Variants in ATP2B4 observed in about 807,000 individuals in gnomAD.
The protein encoded by ATP2B4 is plasma membrane calcium-transporting ATPase 4.
In ATP2B4, 39 loss-of-function variants were observed where a neutral mutation model predicts 110.3. The ratio of observed to expected loss-of-function variants is 0.35; its 90% confidence interval spans 0.27 to 0.46. The LOEUF (loss-of-function observed/expected upper bound fraction) is 0.46. ATP2B4 is among the 20% of genes least tolerant of loss of function. The pLI is 1.00. For synonymous variants in ATP2B4, 538 were observed against 571.7 expected (o/e 0.94, Z 0.84); for missense variants, 1,135 against 1,530.9 (o/e 0.74, Z 4.32).
intron 20 of ATP2B4, among the ~76,000 whole-genome samples, chr1:203,733,983 C>T (rs1571780689): frequency 6.6e-6 from 1 of 152,208 alleles, no homozygotes; most frequent in African/African-American, 2.4e-5. Context: ...TTGGCCACCA[C>T]TGTATTGCTG....
intron 1 of ATP2B4, among the ~76,000 whole-genome samples, chr1:203,660,097 A>AGAAAGAAAG (rs764669362): frequency 8.3e-6 from 1 of 120,666 alleles, no homozygotes; most frequent in African/African-American, 3.1e-5. Context: ...AAAAAAAAAA[A>AGAAAGAAAG]AAAGAAAGAA....
chr1:203,719,803 C>T (rs1428966756), intron 15 of ATP2B4, among the ~76,000 whole-genome samples: 1 of 151,966 alleles, frequency 6.6e-6, no homozygotes, highest in African/African-American at 2.4e-5. Flanking sequence ...ACCATACCAT[C>T]AACTCATTTT....
chr1:203,702,091 A>G lies in ATP2B4; in HGVS notation c.937+12A>G. The G allele has an allele frequency of 1.2e-6, 2 of 1,613,976 alleles. No homozygotes were observed. The highest frequency in any genetic ancestry group is 1.7e-6 in the Non-Finnish European group (2 of 1,179,902). ...AAATCGCAACAAAGGTAACCTCTCC[A>G]ACTACTCATTTACCATCTCTACCTG... On this transcript the variant is annotated intron_variant, in intron 7 of 20. Coordinates refer to ENST00000357681, the MANE Select transcript of ATP2B4 (RefSeq NM_001684.5).
Position 203,712,085 on chromosome 1 carries a change from C to T in ATP2B4, c.2157C>T (p.Phe719=), listed in dbSNP as rs1269056191. 6.2e-7 allele frequency: 1 copy of T among 1,614,178 alleles called. No homozygotes were observed. Among genetic ancestry groups the T allele is most frequent in the Non-Finnish European group, 8.5e-7 (1 of 1,180,028 alleles). ...GCATTCTGACACCTGGGGATGACTT[C>T]CTGTGCTTAGAAGGCAAAGAATTCA... ...KCGILTPGDD[F]LCLEGKEFNR... is the part of the protein sequence containing the mutation. The change falls in exon 13 of 21, where the codon TTC becomes TTT. Residue 719 remains phenylalanine, a synonymous_variant. Coordinates refer to ENST00000357681, the MANE Select transcript of ATP2B4 (RefSeq NM_001684.5).
intron 1 of ATP2B4, among the ~76,000 whole-genome samples, chr1:203,639,218 G>A (rs1367101198): frequency 2.0e-5 from 3 of 152,192 alleles, no homozygotes; most frequent in Non-Finnish European, 2.9e-5. Flanking sequence ...TCAAGAGGGC[G>A]GGGCCACCAT....
chr1:203,642,461 T>A (rs1663662289), intron 1 of ATP2B4, among the ~76,000 whole-genome samples: 2 of 152,200 alleles, frequency 1.3e-5, no homozygotes, highest in South Asian at 4.1e-4. Context: ...GATTTATCTG[T>A]GTTTTCTGTT....
At chr1:203,657,490 C>A in intron 1 of ATP2B4, 1 of 786,498 alleles carries the variant, frequency 1.3e-6, no homozygotes, top group South Asian at 1.4e-5. Context: ...TAAGCAGGTA[C>A]TGCTCCCTGT....
At chr1:203,717,609 A>T (rs1243099420) in intron 15 of ATP2B4, among the ~76,000 whole-genome samples, 3 of 150,426 alleles carry the variant, frequency 2.0e-5, no homozygotes, top group Non-Finnish European at 4.4e-5. Context: ...CTTCATTTTA[A>T]TGTGAAATGG....
intron 8 of ATP2B4, among the ~76,000 whole-genome samples, chr1:203,704,045 T>G (rs1025254111): frequency 2.0e-5 from 3 of 152,190 alleles, no homozygotes; most frequent in Non-Finnish European, 4.4e-5. Flanking sequence ...CTGAGATCTC[T>G]TAATCCAAAT....
In ATP2B4 at chr1:203,683,077, A is replaced by G. The variant is rs1000608675; in HGVS notation, c.-129A>G. ...TTATTGCACAAGATATATTCAATCT[A>G]TTCCCTCACTGGGCCCCCAGAGAAG... On this transcript the variant is annotated 5_prime_UTR_variant, in exon 2 of 21. Coordinates refer to ENST00000357681, the MANE Select transcript of ATP2B4 (RefSeq NM_001684.5). The G allele has an allele frequency of 1.8e-5, 18 of 1,012,852 alleles. No homozygotes were observed. Among genetic ancestry groups the G allele is most frequent in the South Asian group, 8.0e-5 (5 of 62,652 alleles). 62.7% of individuals were successfully genotyped at this position (1,012,852 alleles called of 1,614,324 possible).
At chr1:203,673,719 C>T (rs1236966973) in intron 1 of ATP2B4, among the ~76,000 whole-genome samples, 1 of 152,178 alleles carries the variant, frequency 6.6e-6, no homozygotes, top group East Asian at 1.9e-4. Flanking sequence ...GTTTTAAGTC[C>T]TCTCCTGCTG....
At position 203,683,191 on chromosome 1, in the gene ATP2B4, G is replaced by GT; in HGVS notation, c.-14dup. On this transcript the variant is annotated 5_prime_UTR_variant, in exon 2 of 21. Coordinates refer to ENST00000357681, the MANE Select transcript of ATP2B4 (RefSeq NM_001684.5). ...ACATCTTCTCTGGTTGAGGGGCTTGGTAACAGCAGGCAAAATGACGAACCC... is the reference window on the plus strand; with the variant it reads ...ACATCTTCTCTGGTTGAGGGGCTTGGTTAACAGCAGGCAAAATGACGAACCC... 2 of 1,610,874 alleles carry GT rather than the reference G, an allele frequency of 1.2e-6. No homozygotes were observed. Among genetic ancestry groups the GT allele is most frequent in the Non-Finnish European group, 1.7e-6 (2 of 1,178,052 alleles).
In ATP2B4 at chr1:203,721,317, C is replaced by T. The variant is rs567817646; in HGVS notation, c.2719C>T (p.Arg907Ter). 6.2e-6 allele frequency: 10 copies of T among 1,614,136 alleles called. No homozygotes were observed. The highest frequency in any genetic ancestry group is 2.2e-5 in the South Asian group (2 of 91,082). Residue 907 changes from arginine to a stop codon, truncating the protein, a stop_gained, in exon 17 of 21, where the codon CGA becomes TGA. Transcript: ENST00000357681. LOFTEE classifies it high-confidence loss of function. ...ESLLKRRPYG[R>*]NKPLISRTMM... Reference sequence around the variant, plus strand: ...TCTGTTGAAGCGGCGCCCCTATGGCCGAAATAAGCCTCTGATCTCACGCAC... The same window carrying T: ...TCTGTTGAAGCGGCGCCCCTATGGCTGAAATAAGCCTCTGATCTCACGCAC...
intron 1 of ATP2B4, among the ~76,000 whole-genome samples, chr1:203,665,098 C>T (rs1471424205): frequency 6.6e-6 from 1 of 152,128 alleles, no homozygotes; most frequent in East Asian, 1.9e-4. Context: ...GGATTACAGG[C>T]GTGAGCCACC....
chr1:203,696,781 G>A (rs1445174740), intron 2 of ATP2B4, among the ~76,000 whole-genome samples: 2 of 152,186 alleles, frequency 1.3e-5, no homozygotes, highest in Non-Finnish European at 2.9e-5. Context: ...GTGTGTGTGT[G>A]TGTCATATAT....
At chr1:203,735,436 G>T (rs1666854636) in intron 20 of ATP2B4, among the ~76,000 whole-genome samples, 1 of 152,146 alleles carries the variant, frequency 6.6e-6, no homozygotes, top group Non-Finnish European at 1.5e-5. Flanking sequence ...TATAATGTGG[G>T]TTTCAAATAG....
intron 20 of ATP2B4, among the ~76,000 whole-genome samples, chr1:203,735,062 G>A (rs1328856378): frequency 6.7e-6 from 1 of 148,284 alleles, no homozygotes; most frequent in East Asian, 2.0e-4. Flanking sequence ...ATGAAGGTAC[G>A]AGAAATATAC....
intron 18 of ATP2B4, among the ~76,000 whole-genome samples, chr1:203,723,288 A>C (rs1272255810): frequency 6.7e-6 from 1 of 149,040 alleles, no homozygotes; most frequent in African/African-American, 2.5e-5. Flanking sequence ...TTTTAAAAAT[A>C]CAGATGGGGT....
At chr1:203,701,459 A>G (rs1195561747) in intron 6 of ATP2B4, among the ~76,000 whole-genome samples, 1 of 152,224 alleles carries the variant, frequency 6.6e-6, no homozygotes, top group Non-Finnish European at 1.5e-5. Flanking sequence ...AGGGAGAAAG[A>G]GGAGAAGATA....
Sources: gnomAD v4.1 joint callset for allele counts (sites outside exome capture counted in the v4.1 genomes callset) on GRCh38, gnomAD v4.1.1 for gene constraint, MANE v1.5 for transcripts, NCBI Gene and HGNC (gene_info 2026-07-23, HGNC 2026-07-21) for gene names.